The following CDX4 variants were observed in gnomAD, a reference collection of about 807,000 sequenced individuals.
The protein encoded by CDX4 is caudal type homeobox 4.
Under a neutral mutation model 14.1 loss-of-function variants are expected in CDX4, and 11 were observed. That is an observed-to-expected ratio of 0.78 (90% CI 0.49 to 1.29). The LOEUF (loss-of-function observed/expected upper bound fraction) is 1.29, where lower values mean the gene tolerates loss of function less well. Ranked by LOEUF, CDX4 falls within the 50% of genes most tolerant of loss-of-function variation. The pLI is 0.00. For missense variants in CDX4, 257 were observed against 237.4 expected (o/e 1.08, Z -0.54); for synonymous variants, 100 against 93.5 (o/e 1.07, Z -0.40).
Position 73,454,793 on chromosome X carries a change from G to A in CDX4, c.*208G>A, listed in dbSNP as rs2057101755. 1 of 383,969 alleles carries A rather than the reference G, an allele frequency of 2.6e-6. No homozygotes were observed. The highest frequency in any genetic ancestry group is 4.5e-6 in the Non-Finnish European group (1 of 224,094). 31.6% of individuals were successfully genotyped at this position (383,969 alleles called of 1,213,427 possible). A position where few individuals can be genotyped will look rare whatever the true frequency, so the allele number is the denominator to read the frequency against. ...ACTCCTGTCACGTGCTGTGCTATAT[G>A]TCAGTCACTCAGGAATCTTAGTGGT... On this transcript the variant is annotated 3_prime_UTR_variant, in exon 3 of 3. Transcript: ENST00000373514.
In CDX4 at chrX:73,453,563, T is replaced by A; in HGVS notation, c.549T>A (p.His183Gln). The A allele has an allele frequency of 8.3e-7, 1 of 1,203,866 alleles. No individual in the cohort carries two copies. Among genetic ancestry groups the A allele is most frequent in the Non-Finnish European group, 1.1e-6 (1 of 889,600 alleles). The change falls in exon 2 of 3, where the codon CAT (histidine) becomes CAA (glutamine). Residue 183 changes from histidine (H) to glutamine (Q), a missense_variant. By Grantham distance (24) the His-to-Gln change is conservative (BLOSUM62 0). Coordinates refer to ENST00000373514, the MANE Select transcript of CDX4 (RefSeq NM_005193.2). ...KEKYRVVYTD[H>Q]QRLELEKEFH... Reference sequence around the variant, plus strand: ...AGTATCGTGTAGTTTACACTGATCATCAAAGATTGGAGCTGGAAAAGGAAT... The same window carrying A: ...AGTATCGTGTAGTTTACACTGATCAACAAAGATTGGAGCTGGAAAAGGAAT...
At chrX:73,449,806 C>A (rs1377205009) in intron 1 of CDX4, among the ~76,000 whole-genome samples, 2 of 111,500 alleles carry the variant, frequency 1.8e-5, no homozygotes, top group Non-Finnish European at 3.8e-5. Context: ...CACACACAAA[C>A]ACAAGTAATT....
rs1978848757 is a variant in CDX4 at position 73,453,661 on chromosome X, A to T, written c.647A>T (p.Gln216Leu). ...GTTAACCTGGGCCTTTCCGAGAGAC[A>T]GGTACACCAGAAGTATATCCAACAT... ...LAVNLGLSER[Q>L]VKIWFQNRRA... is the part of the protein sequence containing the mutation. The change falls in exon 2 of 3, where the codon CAG (glutamine) becomes CTG (leucine). Residue 216 changes from glutamine (Q) to leucine (L), a missense_variant and splice_region_variant. Gln to Leu is a moderately radical substitution (Grantham distance 113). Coordinates refer to ENST00000373514, the MANE Select transcript of CDX4 (RefSeq NM_005193.2). 1 of 1,197,403 alleles carries T rather than the reference A, an allele frequency of 8.4e-7. No individual in the cohort carries two copies. Among genetic ancestry groups the T allele is most frequent in the Admixed American group, 2.2e-5 (1 of 44,666 alleles).
chrX:73,451,582 CT>C lies in CDX4; in HGVS notation c.503-1933del, dbSNP rs756935929. ...TTTATGGCAAATAAAGGGGCCTGGT[CT>C]TGACTTTATTGTCCTCAGAAGAAAC... is the stretch of plus-strand genomic sequence containing the variant. On this transcript the variant is annotated intron_variant, in intron 1 of 2. Transcript: ENST00000373514. 2.3e-4 allele frequency among the ~76,000 whole-genome samples: 26 copies of C among 111,105 alleles called. No individual in the cohort carries two copies. In the East Asian group the frequency reaches 7.4e-3, roughly 31 times the overall value.
chrX:73,454,594 A>G lies in CDX4; in HGVS notation c.*9A>G. On this transcript the variant is annotated 3_prime_UTR_variant, in exon 3 of 3. Coordinates refer to ENST00000373514, the MANE Select transcript of CDX4 (RefSeq NM_005193.2). ...TTATAGTCTCCGAATGAAAGAAAGC[A>G]AAGAGAAATTTAAAGTGCCCTTTTT... is the stretch of plus-strand genomic sequence containing the variant. 8.5e-7 allele frequency: 1 copy of G among 1,181,866 alleles called. No homozygotes were observed. The highest frequency in any genetic ancestry group is 3.0e-5 in the East Asian group (1 of 33,565).
rs2057075304 is a variant in CDX4 at position 73,447,683 on chromosome X, G to T, written c.430G>T (p.Ala144Ser). ...GSLVPTDAGA[A>S]KASSPSRSRH... is the part of the protein sequence containing the mutation. The stretch of plus-strand genomic sequence containing the variant: ...GCTTGTCCCGACGGACGCAGGCGCC[G>T]CCAAGGCCAGTTCCCCCAGCAGGAG... Residue 144 changes from alanine to serine, a missense_variant, in exon 1 of 3, where the codon GCC becomes TCC. Ala to Ser is a moderately conservative substitution (Grantham distance 99). Coordinates refer to ENST00000373514, the MANE Select transcript of CDX4 (RefSeq NM_005193.2). 1 of 1,203,754 alleles carries T rather than the reference G, an allele frequency of 8.3e-7. No individual in the cohort carries two copies. Among genetic ancestry groups the T allele is most frequent in the African/African-American group, 1.7e-5 (1 of 57,482 alleles).
In CDX4 at chrX:73,454,673, G is replaced by A; in HGVS notation, c.*88G>A. 1 of 592,534 alleles carries A rather than the reference G, an allele frequency of 1.7e-6. No individual in the cohort carries two copies. The allele number at this position is 592,534 out of a possible 1,213,427, so 48.8% of individuals were successfully genotyped here. A position where few individuals can be genotyped will look rare whatever the true frequency, so the allele number is the denominator to read the frequency against. ...ATCTACAGGGGAGTTGGAGCAGGGT[G>A]TAATTCCCTGTAAGGCAGTATTTGG... On this transcript the variant is annotated 3_prime_UTR_variant, in exon 3 of 3. Transcript: ENST00000373514.
chrX:73,450,514 A>T (rs2057083727), intron 1 of CDX4, among the ~76,000 whole-genome samples: 1 of 111,876 alleles, frequency 8.9e-6, no homozygotes, highest in South Asian at 3.7e-4. Flanking sequence ...GGAGAGCAGG[A>T]AGTAATTGTG....
In CDX4 at chrX:73,454,423, G is replaced by A. The variant is rs766658172; in HGVS notation, c.693G>A (p.Met231Ile). 2.5e-6 allele frequency: 3 copies of A among 1,209,124 alleles called. No homozygotes were observed. Among genetic ancestry groups the A allele is most frequent in the Non-Finnish European group, 3.4e-6 (3 of 893,791 alleles). ...ATCGCAGAGCCAAGGAGAGAAAGATGATCAAAAAGAAAATCTCCCAGTTTG... is the reference window on the plus strand; with the variant it reads ...ATCGCAGAGCCAAGGAGAGAAAGATAATCAAAAAGAAAATCTCCCAGTTTG... ...FQNRRAKERK[M>I]IKKKISQFEN... Residue 231 changes from methionine to isoleucine, a missense_variant, in exon 3 of 3, where the codon ATG becomes ATA. Coordinates refer to ENST00000373514, the MANE Select transcript of CDX4 (RefSeq NM_005193.2).
Position 73,450,000 on chromosome X carries a change from T to C in CDX4, c.502+2245T>C, listed in dbSNP as rs1427346017. On this transcript the variant is annotated intron_variant, in intron 1 of 2. Coordinates refer to ENST00000373514, the MANE Select transcript of CDX4 (RefSeq NM_005193.2). Reference sequence around the variant, plus strand: ...AATATTTGTTTAATGAATGAATGAGTCAGATCCTCCTAAATTTTCCACTTC... The same window carrying C: ...AATATTTGTTTAATGAATGAATGAGCCAGATCCTCCTAAATTTTCCACTTC... 3.6e-5 allele frequency among the ~76,000 whole-genome samples: 4 copies of C among 111,552 alleles called. No homozygotes were observed. In the Admixed American group the frequency reaches 3.8e-4, roughly 11 times the overall value.
Position 73,447,154 on chromosome X carries a change from T to A in CDX4, c.-100T>A, listed in dbSNP as rs993320301. 7.2e-6 allele frequency: 7 copies of A among 965,809 alleles called. No individual in the cohort carries two copies. The highest frequency in any genetic ancestry group is 1.0e-5 in the Non-Finnish European group (7 of 700,476). 79.6% of individuals were successfully genotyped at this position (965,809 alleles called of 1,213,427 possible). A position where few individuals can be genotyped will look rare whatever the true frequency, so the allele number is the denominator to read the frequency against. ...GGTGCAAAAGAGCTTGCGGCACAACTACGTACTGATAAGTTTATTCTCTGC... is the reference window on the plus strand; with the variant it reads ...GGTGCAAAAGAGCTTGCGGCACAACAACGTACTGATAAGTTTATTCTCTGC... On this transcript the variant is annotated 5_prime_UTR_variant, in exon 1 of 3. Coordinates refer to ENST00000373514, the MANE Select transcript of CDX4 (RefSeq NM_005193.2).
chrX:73,451,564 C>T (rs1324757189), intron 1 of CDX4, among the ~76,000 whole-genome samples: 1 of 110,877 alleles, frequency 9.0e-6, no homozygotes, highest in Non-Finnish European at 1.9e-5. Context: ...ATTTTTATGG[C>T]AAATAAAGGG....
At chrX:73,452,396 A>G (rs999892937) in intron 1 of CDX4, among the ~76,000 whole-genome samples, 10 of 111,099 alleles carry the variant, frequency 9.0e-5, no homozygotes, top group Non-Finnish European at 1.3e-4. Context: ...AGGAGTATTT[A>G]AAAGCCATAG....
intron 2 of CDX4, 89 bp downstream of exon 2, chrX:73,453,751 C>T: frequency 1.3e-6 from 1 of 797,814 alleles, no homozygotes; most frequent in Non-Finnish European, 1.8e-6. Flanking sequence ...AATGCATTGC[C>T]TTATCCCAAG....
At chrX:73,453,461 A>G in intron 1 of CDX4, 56 bp from the exon 2 acceptor site, 2 of 1,070,673 alleles carry the variant, frequency 1.9e-6, no homozygotes, top group South Asian at 4.3e-5. Context: ...TTCTTTAACT[A>G]AAACAATCTC....
intron 1 of CDX4, among the ~76,000 whole-genome samples, chrX:73,448,316 C>T (rs1287504443): frequency 2.7e-5 from 3 of 111,586 alleles, no homozygotes; most frequent in Admixed American, 9.5e-5. Flanking sequence ...GCAACCTCTT[C>T]ACCCTGGCCT....
chrX:73,447,920 C>G (rs766678889), intron 1 of CDX4, among the ~76,000 whole-genome samples, 165 bp downstream of exon 1: 5 of 112,337 alleles, frequency 4.5e-5, no homozygotes, highest in African/African-American at 1.6e-4. Context: ...TCGCATTCGC[C>G]TGGGCTCAAA....
Position 73,454,658 on chromosome X carries a change from G to C in CDX4, c.*73G>C, listed in dbSNP as rs1252780727. Reference sequence around the variant, plus strand: ...TTGGGTCTCTAAGCTATCTACAGGGGAGTTGGAGCAGGGTGTAATTCCCTG... The same window carrying C: ...TTGGGTCTCTAAGCTATCTACAGGGCAGTTGGAGCAGGGTGTAATTCCCTG... On this transcript the variant is annotated 3_prime_UTR_variant, in exon 3 of 3. Coordinates refer to ENST00000373514, the MANE Select transcript of CDX4 (RefSeq NM_005193.2). The C allele has an allele frequency of 1.3e-6, 1 of 747,422 alleles. No homozygotes were observed. Among genetic ancestry groups the C allele is most frequent in the Non-Finnish European group, 2.0e-6 (1 of 500,121 alleles). 61.6% of individuals were successfully genotyped at this position (747,422 alleles called of 1,213,427 possible). A position where few individuals can be genotyped will look rare whatever the true frequency, so the allele number is the denominator to read the frequency against.
chrX:73,447,469 G>A lies in CDX4; in HGVS notation c.216G>A (p.Trp72Ter). ...MDPHWPSLGV[W>*]GSPYSPPRED... is the part of the protein sequence containing the mutation. ...CTCACTGGCCGTCTCTGGGAGTCTG[G>A]GGCTCACCCTACAGTCCCCCGCGAG... Residue 72 changes from tryptophan (W) to a stop codon, truncating the protein, a stop_gained, in exon 1 of 3, where the codon TGG becomes TGA. Coordinates refer to ENST00000373514, the MANE Select transcript of CDX4 (RefSeq NM_005193.2). LOFTEE classifies it high-confidence loss of function. 8.3e-7 allele frequency: 1 copy of A among 1,211,710 alleles called. No homozygotes were observed.
Sources: gnomAD v4.1 joint callset for allele counts (sites outside exome capture counted in the v4.1 genomes callset) on GRCh38, gnomAD v4.1.1 for gene constraint, MANE v1.5 for transcripts, NCBI Gene and HGNC (gene_info 2026-07-23, HGNC 2026-07-21) for gene names.